Variants in C11orf65 observed in about 807,000 individuals in gnomAD.
C11orf65 encodes the protein protein MFI.
C11orf65 carries 38 observed loss-of-function variants against 35.3 expected under a neutral mutation model. The observed-to-expected ratio is 1.08, with a 90% CI of 0.83 to 1.41. C11orf65 has a LOEUF of 1.41. C11orf65 is among the 40% of genes most tolerant of loss of function. C11orf65 has a pLI of 0.00. For missense variants in C11orf65, 370 were observed against 367.1 expected, an observed-to-expected ratio of 1.01 and a Z score of -0.06; for synonymous variants, 105 against 114.4, an observed-to-expected ratio of 0.92 and a Z score of 0.53.
intron 2 of C11orf65, chr11:108,366,799 C>T (rs528218018): frequency 1.3e-5 from 3 of 230,306 alleles, no homozygotes; most frequent in African/African-American, 2.2e-5. Flanking sequence ...TATAAGCTTC[C>T]ATGTGTCCCA....
chr11:108,360,044 C>T lies in C11orf65; in HGVS notation c.227-24752G>A, dbSNP rs1392626686. ...GAAAGGATCAACAAAATTGATAGAC[C>T]GCTAGCAAGACTAATAAAGAAAAAA... is the stretch of plus-strand genomic sequence containing the variant. On this transcript the variant is annotated intron_variant, in intron 2 of 3. Transcript: ENST00000524755. Among the ~76,000 whole-genome samples the T allele has an allele frequency of 4.1e-4, 62 of 151,438 alleles. 1 individual carries two copies. Among genetic ancestry groups the T allele is most frequent in the African/African-American group, 1.1e-3 (47 of 41,270 alleles).
chr11:108,310,734 A>G (rs1039947579), intron 6 of C11orf65, among the ~76,000 whole-genome samples: 5 of 152,188 alleles, frequency 3.3e-5, no homozygotes, highest in African/African-American at 1.2e-4. Context: ...AAAATATCCA[A>G]AATTATAATC....
intron 2 of C11orf65, chr11:108,335,414 C>A: frequency 1.5e-6 from 1 of 664,370 alleles, no homozygotes; most frequent in South Asian, 1.9e-5. Context: ...CTCTTATTTC[C>A]TTGAATAGTG....
chr11:108,441,598 G>A (rs1351896259), intron 2 of C11orf65, among the ~76,000 whole-genome samples: 1 of 152,172 alleles, frequency 6.6e-6, no homozygotes, highest in African/African-American at 2.4e-5. Flanking sequence ...CACCTCATAC[G>A]GCCAGGTGCC....
chr11:108,391,428 G>A (rs1309067757), intron 7 of C11orf65, among the ~76,000 whole-genome samples: 1 of 152,112 alleles, frequency 6.6e-6, no homozygotes, highest in Non-Finnish European at 1.5e-5. Flanking sequence ...TGCCCAGGCT[G>A]GAGTGCAATG....
At chr11:108,440,445 T>A (rs1389041013) in intron 2 of C11orf65, among the ~76,000 whole-genome samples, 2 of 152,198 alleles carry the variant, frequency 1.3e-5, no homozygotes, top group African/African-American at 4.8e-5. Flanking sequence ...GGGCCCAATA[T>A]CAAGGACCTG....
In C11orf65 at chr11:108,421,815, G is replaced by A. The variant is rs148294640; in HGVS notation, c.174+9931C>T. 3.6e-4 allele frequency among the ~76,000 whole-genome samples: 55 copies of A among 152,296 alleles called. No homozygotes were observed. The East Asian group carries it at 6.4e-3, about 18-fold the overall frequency. On this transcript the variant is annotated intron_variant, in intron 3 of 8. Coordinates refer to ENST00000393084, the MANE Select transcript of C11orf65 (RefSeq NM_152587.5). ...AGAACAAGGCATGTTTGATAGGTAG[G>A]CAAAAACACCACCCTGCTTTCTTCA...
intron 2 of C11orf65, among the ~76,000 whole-genome samples, chr11:108,445,972 G>C (rs2093249601): frequency 1.3e-5 from 2 of 152,160 alleles, no homozygotes; most frequent in Admixed American, 1.3e-4. Flanking sequence ...ACTACGTGAA[G>C]AATGCAGAAG....
intron 2 of C11orf65, among the ~76,000 whole-genome samples, chr11:108,362,802 G>T (rs1350754529): frequency 5.7e-5 from 7 of 122,974 alleles, no homozygotes; most frequent in African/African-American, 2.2e-4. Flanking sequence ...ACTGTGGTGG[G>T]GTGGGGGGCG....
At chr11:108,417,789 G>T (rs550049831) in intron 3 of C11orf65, among the ~76,000 whole-genome samples, 3 of 152,186 alleles carry the variant, frequency 2.0e-5, no homozygotes, top group East Asian at 1.9e-4. Context: ...CTAGGGGAGG[G>T]ACAGCATTAG....
At chr11:108,376,952 G>A (rs1172446665) in intron 2 of C11orf65, among the ~76,000 whole-genome samples, 1 of 151,966 alleles carries the variant, frequency 6.6e-6, no homozygotes, top group Non-Finnish European at 1.5e-5. Context: ...TCTCTGAATA[G>A]ACCAATAACA....
In C11orf65 at chr11:108,397,545, G is replaced by A. The variant is rs937203969; in HGVS notation, c.561-4167C>T. 2.0e-5 allele frequency among the ~76,000 whole-genome samples: 3 copies of A among 152,208 alleles called. No homozygotes were observed. In the South Asian group the frequency reaches 6.2e-4, roughly 32 times the overall value. ...TAAGTTGCAAAGGAGGTTGAGGAAA[G>A]CTAAGATCTATAGGACACAGGAAGG... On this transcript the variant is annotated intron_variant, in intron 6 of 8. Transcript: ENST00000393084.
intron 2 of C11orf65, among the ~76,000 whole-genome samples, chr11:108,438,032 T>G (rs1201629351): frequency 6.6e-6 from 1 of 152,092 alleles, no homozygotes; most frequent in Non-Finnish European, 1.5e-5. Context: ...TCAAAACAGT[T>G]TGGTACTGGC....
At position 108,463,075 on chromosome 11, in the gene C11orf65, A is replaced by G. The variant is rs145326777; in HGVS notation, c.-9-1507T>C. ...CAGGAGTTCAAAACTGCAGTGAGCT[A>G]TGATTGCACCACTGCACTCCAGCCT... On this transcript the variant is annotated intron_variant, in intron 1 of 8. Transcript: ENST00000393084. Among the ~76,000 whole-genome samples the G allele has an allele frequency of 6.8e-4, 103 of 152,332 alleles. 1 individual carries two copies. In the East Asian group the frequency reaches 0.019, roughly 28 times the overall value.
intron 2 of C11orf65, among the ~76,000 whole-genome samples, chr11:108,445,360 AG>A (rs1565707776): frequency 6.6e-6 from 1 of 152,172 alleles, no homozygotes; most frequent in Non-Finnish European, 1.5e-5. Context: ...CCCCCCAGTA[AG>A]GGCAGACTGA....
chr11:108,388,307 C>T (rs2092062663), intron 7 of C11orf65, among the ~76,000 whole-genome samples: 1 of 152,110 alleles, frequency 6.6e-6, no homozygotes, highest in Admixed American at 6.5e-5. Context: ...AACATACCAG[C>T]AGTAATTGAT....
chr11:108,383,214 A>G (rs926151148), intron 8 of C11orf65, 39 bp from the exon 9 acceptor site: 1 of 1,465,650 alleles, frequency 6.8e-7, no homozygotes, highest in South Asian at 1.3e-5. Context: ...GATACCAGAT[A>G]TAATAAGATG....
intron 2 of C11orf65, chr11:108,368,092 GC>G (rs1238695431): frequency 2.9e-5 from 6 of 208,364 alleles, no homozygotes; most frequent in African/African-American, 1.4e-4. Flanking sequence ...ATGCTATGAG[GC>G]TCCTGTTCTG....
intron 2 of C11orf65, chr11:108,366,029 C>CAAAAA (rs369583811): frequency 6.0e-5 from 6 of 100,476 alleles, no homozygotes; most frequent in Non-Finnish European, 7.9e-5. Context: ...AACTCCATCT[C>CAAAAA]AAAAAAAAAA....
Sources: allele counts gnomAD v4.1 joint callset (sites outside exome capture counted in the v4.1 genomes callset), GRCh38; gene constraint gnomAD v4.1.1; transcripts MANE v1.5; gene names NCBI Gene and HGNC (gene_info 2026-07-23, HGNC 2026-07-21).